The following TAB2 variants were observed in gnomAD, a reference collection of about 807,000 sequenced individuals.
TAB2 encodes TGF-beta-activated kinase 1 and MAP3K7-binding protein 2.
Under a neutral mutation model 65.0 loss-of-function variants are expected in TAB2, and 3 were observed. The ratio of observed to expected loss-of-function variants is 0.05; its 90% confidence interval spans 0.02 to 0.12. TAB2 has a LOEUF of 0.12. TAB2 is among the 10% of genes least tolerant of loss of function. The pLI, the probability that TAB2 is intolerant of heterozygous loss-of-function variation, is 1.00. For missense variants in TAB2, 623 were observed against 840.3 expected, an observed-to-expected ratio of 0.74 and a Z score of 3.20; for synonymous variants, 298 against 285.1, an observed-to-expected ratio of 1.05 and a Z score of -0.46.
intron 1 of TAB2, among the ~76,000 whole-genome samples, chr6:149,260,610 A>T (rs1778133268): frequency 6.6e-6 from 1 of 152,244 alleles, no homozygotes; most frequent in Non-Finnish European, 1.5e-5. Context: ...GAAAGAAGCC[A>T]CTAAAGAGCA....
At chr6:149,257,604 G>A (rs1398771437) in intron 1 of TAB2, 3 of 152,096 alleles carry the variant, frequency 2.0e-5, no homozygotes, top group Admixed American at 6.6e-5. Context: ...AATCTTGTCA[G>A]TGATGTCAAT....
At chr6:149,263,002 A>G (rs920112276) in intron 1 of TAB2, among the ~76,000 whole-genome samples, 4 of 151,268 alleles carry the variant, frequency 2.6e-5, no homozygotes, top group Non-Finnish European at 5.9e-5. Flanking sequence ...GTGGGTTTTC[A>G]CTCTGTTACC....
chr6:149,405,431 A>G (rs1236032181), intron 6 of TAB2, among the ~76,000 whole-genome samples: 2 of 152,256 alleles, frequency 1.3e-5, no homozygotes, highest in East Asian at 1.9e-4. Context: ...TGCAGTAAGT[A>G]TCTCAAAGAG....
chr6:149,273,590 C>T (rs1778403329), intron 1 of TAB2, among the ~76,000 whole-genome samples: 1 of 152,172 alleles, frequency 6.6e-6, no homozygotes, highest in African/African-American at 2.4e-5. Context: ...GAGGAAGTGT[C>T]ACATAGCCTC....
At chr6:149,346,645 G>T (rs1337504120) in intron 1 of TAB2, 2 of 151,610 alleles carry the variant, frequency 1.3e-5, no homozygotes, top group Admixed American at 6.6e-5. Context: ...GTAGAGATGG[G>T]GCTTCACCAT....
intron 1 of TAB2, among the ~76,000 whole-genome samples, chr6:149,231,521 G>A (rs1458552598): frequency 6.6e-6 from 1 of 152,098 alleles, no homozygotes; most frequent in African/African-American, 2.4e-5. Flanking sequence ...CTTGATTTGG[G>A]GGTGATACCT....
intron 1 of TAB2, among the ~76,000 whole-genome samples, chr6:149,250,184 T>C (rs1777829440): frequency 1.3e-5 from 2 of 152,036 alleles, no homozygotes; most frequent in Non-Finnish European, 2.9e-5. Context: ...CAGCACAGAA[T>C]AGGCCCTCAG....
chr6:149,389,087 C>G (rs1184303010), intron 3 of TAB2, among the ~76,000 whole-genome samples: 2 of 151,650 alleles, frequency 1.3e-5, no homozygotes, highest in Non-Finnish European at 2.9e-5. Flanking sequence ...TCCCCAGTAG[C>G]TGGGACTACA....
intron 1 of TAB2, among the ~76,000 whole-genome samples, chr6:149,271,443 C>T (rs1399850715): frequency 1.3e-5 from 2 of 152,178 alleles, no homozygotes; most frequent in African/African-American, 2.4e-5. Flanking sequence ...CTATTACCCT[C>T]GGGCCTATTG....
intron 1 of TAB2, among the ~76,000 whole-genome samples, chr6:149,285,827 T>C (rs894091274): frequency 6.6e-6 from 1 of 152,158 alleles, no homozygotes; most frequent in Non-Finnish European, 1.5e-5. Context: ...TGTTAAAACA[T>C]GGATTGCTGG....
intron 1 of TAB2, among the ~76,000 whole-genome samples, chr6:149,361,001 G>T (rs1478906167): frequency 6.6e-6 from 1 of 152,210 alleles, no homozygotes; most frequent in Non-Finnish European, 1.5e-5. Flanking sequence ...GCCTGTGTCT[G>T]CAGGGTTCAG....
intron 1 of TAB2, chr6:149,243,662 A>G (rs1254942580): frequency 6.6e-6 from 1 of 152,234 alleles, no homozygotes; most frequent in Non-Finnish European, 1.5e-5. Flanking sequence ...ACTTCCTCAG[A>G]ATAGATTCTT....
chr6:149,340,356 G>A (rs766604065), intron 1 of TAB2, among the ~76,000 whole-genome samples: 25 of 152,182 alleles, frequency 1.6e-4, no homozygotes, highest in Non-Finnish European at 3.5e-4. Context: ...AAAATTATTA[G>A]TAACGTCAAG....
chr6:149,363,923 G>GT (rs768545854), intron 1 of TAB2, among the ~76,000 whole-genome samples: 3 of 152,202 alleles, frequency 2.0e-5, no homozygotes, highest in East Asian at 1.9e-4. Context: ...TTTTCCCATT[G>GT]TTTCCTAATT....
intron 1 of TAB2, among the ~76,000 whole-genome samples, chr6:149,357,464 C>CACAT (rs1562432056): frequency 9.5e-4 from 140 of 147,858 alleles, no homozygotes; most frequent in African/African-American, 3.5e-3. Context: ...CACACACACA[C>CACAT]ACATTTTAGC....
upstream of TAB2, among the ~76,000 whole-genome samples, chr6:149,314,102 G>A (rs575738621): frequency 6.6e-6 from 1 of 152,280 alleles, no homozygotes; most frequent in East Asian, 1.9e-4. Context: ...AAATTTGTGA[G>A]ATATCAAATT....
Position 149,355,965 on chromosome 6 carries a change from A to C in TAB2, c.-89-13944A>C, listed in dbSNP as rs551427231. On this transcript the variant is annotated intron_variant, in intron 1 of 6. Transcript: ENST00000637181. ...TCAAATGTATTGCCACAAAAAAAAA[A>C]CTTATTTTTCCATGTAACACTTAAC... Among the ~76,000 whole-genome samples, 79 of 152,244 alleles carry C rather than the reference A, an allele frequency of 5.2e-4. No individual in the cohort carries two copies. In the South Asian group the frequency reaches 0.011, roughly 21 times the overall value.
At chr6:149,377,599 A>G (rs117809067) in intron 2 of TAB2, among the ~76,000 whole-genome samples, 3 of 152,386 alleles carry the variant, frequency 2.0e-5, no homozygotes, top group South Asian at 2.1e-4. Flanking sequence ...ACATTGTGCT[A>G]TATATCAAAC....
At chr6:149,391,627 G>A (rs757835611) in intron 3 of TAB2, among the ~76,000 whole-genome samples, 2 of 151,880 alleles carry the variant, frequency 1.3e-5, no homozygotes, top group Non-Finnish European at 2.9e-5. Flanking sequence ...CTGTAGCCTC[G>A]ACCTCCCAGG....
Sources: allele counts gnomAD v4.1 joint callset (sites outside exome capture counted in the v4.1 genomes callset), GRCh38; gene constraint gnomAD v4.1.1; transcripts MANE v1.5; gene names NCBI Gene and HGNC (gene_info 2026-07-23, HGNC 2026-07-21).